The following ATP12A variants were observed in gnomAD, a reference collection of about 807,000 sequenced individuals.
ATP12A encodes the protein ATPase H+/K+ transporting non-gastric alpha2 subunit, also known as potassium-transporting ATPase alpha chain 2.
In ATP12A, 81 loss-of-function variants were observed where a neutral mutation model predicts 111.2. The observed-to-expected ratio is 0.73, with a 90% CI of 0.61 to 0.88. The LOEUF (loss-of-function observed/expected upper bound fraction) is 0.88, where lower values mean the gene tolerates loss of function less well. ATP12A is among the 40% of genes least tolerant of loss of function. ATP12A has a pLI of 0.00. For missense variants in ATP12A, 1,196 were observed against 1,313.1 expected, an observed-to-expected ratio of 0.91 and a Z score of 1.38; for synonymous variants, 498 against 499.8, an observed-to-expected ratio of 1.00 and a Z score of 0.05.
At chr13:24,694,973 C>T (rs565587766) in intron 11 of ATP12A, among the ~76,000 whole-genome samples, 28 of 152,134 alleles carry the variant, frequency 1.8e-4, no homozygotes, top group Admixed American at 5.2e-4. Context: ...GCAGGGAGGC[C>T]GAACACCTGC....
intron 8 of ATP12A, among the ~76,000 whole-genome samples, chr13:24,691,635 A>AG (rs1874908361): frequency 8.5e-6 from 1 of 117,482 alleles, no homozygotes; most frequent in South Asian, 3.2e-4. Context: ...TACCTCTCTT[A>AG]CGAAAAAAAA....
At chr13:24,695,509 G>C (rs188735404) in intron 11 of ATP12A, among the ~76,000 whole-genome samples, 1 of 151,312 alleles carries the variant, frequency 6.6e-6, no homozygotes, top group Non-Finnish European at 1.5e-5. Context: ...GTAAAGTATA[G>C]AAATGGAATA....
intron 8 of ATP12A, among the ~76,000 whole-genome samples, chr13:24,691,531 C>T (rs567572552): frequency 6.6e-6 from 1 of 152,218 alleles, no homozygotes. Context: ...ACAGACTCCA[C>T]CATTCACAGG....
At chr13:24,710,993 C>A in intron 21 of ATP12A, 100 bp downstream of exon 21, 1 of 1,094,212 alleles carries the variant, frequency 9.1e-7, no homozygotes, top group Non-Finnish European at 1.3e-6. Flanking sequence ...TTCCCCAAGT[C>A]TTTCAAAAGA....
intron 4 of ATP12A, among the ~76,000 whole-genome samples, chr13:24,688,970 C>T (rs570339829): frequency 5.3e-5 from 8 of 152,208 alleles, no homozygotes; most frequent in South Asian, 2.1e-4. Context: ...GGAACCAGAT[C>T]GGTGATGCCA....
At chr13:24,699,915 C>A (rs1875320730) in intron 12 of ATP12A, among the ~76,000 whole-genome samples, 1 of 152,152 alleles carries the variant, frequency 6.6e-6, no homozygotes, top group South Asian at 2.1e-4. Context: ...TTGGAGTTGG[C>A]AAATCAGATA....
At chr13:24,702,167 TG>T in intron 14 of ATP12A, 96 bp downstream of exon 14, 1 of 1,502,378 alleles carries the variant, frequency 6.7e-7, no homozygotes, top group Non-Finnish European at 9.2e-7. Context: ...ATCAGCTTTT[TG>T]CTCTCAGAGT....
chr13:24,709,235 G>T, intron 17 of ATP12A, 129 bp from the exon 18 acceptor site: 2 of 1,102,858 alleles, frequency 1.8e-6, no homozygotes, highest in Non-Finnish European at 1.3e-6. Context: ...ACTGCCTATA[G>T]CCTGGATGGG....
At position 24,690,465 on chromosome 13, in the gene ATP12A, G is replaced by A. The variant is rs1257099300; in HGVS notation, c.674G>A (p.Gly225Glu). 6.2e-7 allele frequency: 1 copy of A among 1,613,814 alleles called. No homozygotes were observed. Among genetic ancestry groups the A allele is most frequent in the Admixed American group, 1.7e-5 (1 of 59,958 alleles). ...PADIRVLSSQGCRVDNSSLTG... is the reference protein window; with the variant it reads ...PADIRVLSSQECRVDNSSLTG... ...GACATCAGGGTGCTGTCTTCTCAGG[G>A]GTGTCGGGTAAGCGGCAAGGGGTAT... is the stretch of plus-strand genomic sequence containing the variant. The change falls in exon 6 of 23, where the codon GGG becomes GAG. Residue 225 changes from glycine (G) to glutamate (E), a missense_variant. Around this residue, in one of 3 missense-constraint regions of ATP12A, gnomAD observed 1,126 missense variants for 1,228.5 expected, o/e 0.92. Transcript: ENST00000381946.
chr13:24,682,459 G>T (rs778425730), intron 2 of ATP12A, among the ~76,000 whole-genome samples: 1 of 150,338 alleles, frequency 6.7e-6, no homozygotes, highest in Non-Finnish European at 1.5e-5. Context: ...CAGGGCCTCT[G>T]CAGGATTCCT....
At chr13:24,705,230 A>G (rs1011337523) in intron 14 of ATP12A, among the ~76,000 whole-genome samples, 2 of 152,254 alleles carry the variant, frequency 1.3e-5, no homozygotes, top group African/African-American at 2.4e-5. Context: ...AGAGATGCCC[A>G]TTCCTGGTCA....
chr13:24,704,957 G>A (rs1875559830), intron 14 of ATP12A, among the ~76,000 whole-genome samples: 1 of 152,170 alleles, frequency 6.6e-6, no homozygotes. Flanking sequence ...CTTAGCAGGT[G>A]TAAGGGGAAA....
At chr13:24,707,682 A>G (rs1292743233) in intron 17 of ATP12A, among the ~76,000 whole-genome samples, 1 of 152,124 alleles carries the variant, frequency 6.6e-6, no homozygotes, top group Non-Finnish European at 1.5e-5. Context: ...CTCTATAGTG[A>G]GCTTTTTTTT....
intron 17 of ATP12A, 85 bp from the exon 18 acceptor site, chr13:24,709,279 G>GGCCCCCC: frequency 2.4e-5 from 5 of 211,218 alleles, no homozygotes; most frequent in South Asian, 1.6e-4. Flanking sequence ...TCCAGCCAGT[G>GGCCCCCC]CCCCACCCAC....
At chr13:24,691,693 A>C (rs1049181389) in intron 8 of ATP12A, among the ~76,000 whole-genome samples, 19 of 151,974 alleles carry the variant, frequency 1.3e-4, no homozygotes, top group Non-Finnish European at 1.0e-4. Flanking sequence ...TTTCCTGGCC[A>C]ACCCCAGACC....
Position 24,681,961 on chromosome 13 carries a change from TGTGTG to T in ATP12A, c.168+246_168+250del, listed in dbSNP as rs1227856543. 7.0e-4 allele frequency among the ~76,000 whole-genome samples: 89 copies of T among 127,554 alleles called. 1 individual carries two copies. The highest frequency in any genetic ancestry group is 1.5e-3 in the African/African-American group (46 of 31,382). The allele number at this position is 127,554 out of a possible 152,430, so 83.7% of individuals were successfully genotyped here. ...GTGTGGTGTGTGTGTGTATGTGTGG[TGTGTG>T]GTGTATGGTGTGTGGTGTGTGTGTA... On this transcript the variant is annotated intron_variant, in intron 2 of 22. Transcript: ENST00000381946.
chr13:24,698,838 G>A lies in ATP12A; in HGVS notation c.1693G>A (p.Glu565Lys), dbSNP rs531975843. The A allele has an allele frequency of 7.4e-6, 12 of 1,613,928 alleles. No individual in the cohort carries two copies. The East Asian group carries it at 1.3e-4, about 18-fold the overall frequency. Residue 565 changes from glutamate (E) to lysine (K), a missense_variant, in exon 12 of 23, where the codon GAG (glutamate) becomes AAG (lysine). Glu to Lys is a moderately conservative substitution (Grantham distance 56, BLOSUM62 1). Transcript: ENST00000381946. ...CTACATGGAGCTGGGCGGGTTGGGC[G>A]AGCGTGTGCTGGGTGAGTGCGGCGG... Reference protein sequence around the residue: ...TAYMELGGLGERVLGFCHLYL... With the variant: ...TAYMELGGLGKRVLGFCHLYL...
At position 24,689,130 on chromosome 13, in the gene ATP12A, G is replaced by A. The variant is rs187068200; in HGVS notation, c.433-132G>A. 1.8e-3 allele frequency: 1,326 copies of A among 721,946 alleles called. 4 individuals carry two copies. Among genetic ancestry groups the A allele is most frequent in the Middle Eastern group, 0.011 (27 of 2,534 alleles). The allele number at this position is 721,946 out of a possible 1,614,324, so 44.7% of individuals were successfully genotyped here. Reference sequence around the variant, plus strand: ...AATAAGTTGCGCACTTAACATGGGCGAATTCCATGGCCTGTAAATTATACC... The same window carrying A: ...AATAAGTTGCGCACTTAACATGGGCAAATTCCATGGCCTGTAAATTATACC... On this transcript the variant is annotated intron_variant, in intron 4 of 22. Transcript: ENST00000381946.
intron 3 of ATP12A, among the ~76,000 whole-genome samples, chr13:24,686,107 C>T (rs975997825): frequency 1.3e-5 from 2 of 152,168 alleles, no homozygotes; most frequent in Non-Finnish European, 2.9e-5. Context: ...GGAACAACAG[C>T]CCAGGACTGT....
Sources: gnomAD v4.1 joint callset for allele counts (sites outside exome capture counted in the v4.1 genomes callset) on GRCh38, gnomAD v4.1.1 for gene constraint, gnomAD v4.1.1 regional missense constraint, MANE v1.5 for transcripts, NCBI Gene and HGNC (gene_info 2026-07-23, HGNC 2026-07-21) for gene names.